The following MYH15 variants were observed in gnomAD, a reference collection of about 807,000 sequenced individuals.
The protein encoded by MYH15 is myosin heavy chain 15.
MYH15 carries 227 observed loss-of-function variants against 240.5 expected under a neutral mutation model. The observed-to-expected ratio is 0.94, with a 90% CI of 0.85 to 1.05. The LOEUF (loss-of-function observed/expected upper bound fraction) is 1.05. MYH15 is among the 50% of genes least tolerant of loss of function. The probability of loss-of-function intolerance (pLI) is 0.00; values close to 1 mark genes in which losing one functional copy is unlikely to be tolerated. For synonymous variants in MYH15, 785 were observed against 796.7 expected (o/e 0.99, Z 0.25); for missense variants, 2,217 against 2,247.5 (o/e 0.99, Z 0.27).
chr3:108,490,882 C>A (rs2083340250), intron 9 of MYH15, among the ~76,000 whole-genome samples: 1 of 151,794 alleles, frequency 6.6e-6, no homozygotes, highest in Admixed American at 6.6e-5. Context: ...GAAATTAGAT[C>A]ATGGTTTTTT....
intron 16 of MYH15, among the ~76,000 whole-genome samples, chr3:108,462,144 C>T (rs1256381632): frequency 1.3e-5 from 2 of 152,118 alleles, no homozygotes; most frequent in African/African-American, 4.8e-5. Flanking sequence ...CAGAGGCTGT[C>T]GATCTGTGAC....
At chr3:108,434,029 G>T (rs1164557786) in intron 25 of MYH15, among the ~76,000 whole-genome samples, 1 of 151,598 alleles carries the variant, frequency 6.6e-6, no homozygotes, top group Non-Finnish European at 1.5e-5. Flanking sequence ...ACATACATTT[G>T]CATGTATAGA....
At chr3:108,522,700 A>G (rs1478232059) in intron 1 of MYH15, among the ~76,000 whole-genome samples, 1 of 152,152 alleles carries the variant, frequency 6.6e-6, no homozygotes, top group African/African-American at 2.4e-5. Context: ...CTAATTGATT[A>G]ATAATTGCTA....
At chr3:108,413,748 C>T (rs2082611934) in intron 30 of MYH15, among the ~76,000 whole-genome samples, 1 of 152,208 alleles carries the variant, frequency 6.6e-6, no homozygotes, top group African/African-American at 2.4e-5. Context: ...TCCTAGAAGA[C>T]ATGACGACAG....
At chr3:108,441,335 C>T (rs2082883928) in intron 22 of MYH15, 75 bp from the exon 23 acceptor site, 2 of 1,532,250 alleles carry the variant, frequency 1.3e-6, no homozygotes, top group African/African-American at 1.4e-5. Context: ...CTGCTTAACA[C>T]ACAGCAAAGA....
intron 20 of MYH15, among the ~76,000 whole-genome samples, chr3:108,455,186 T>G (rs536798749): frequency 7.3e-4 from 111 of 152,318 alleles, no homozygotes; most frequent in African/African-American, 2.6e-3. Context: ...CCAAATCTAT[T>G]GATAAGTTAG....
Position 108,492,560 on chromosome 3 carries a change from C to G in MYH15, c.811G>C (p.Ala271Pro). Residue 271 changes from alanine (A) to proline (P), a missense_variant, in exon 9 of 41, where the codon GCT becomes CCT. By Grantham distance (27) the Ala-to-Pro change is conservative (BLOSUM62 -1). Coordinates refer to ENST00000693548, the MANE Select transcript of MYH15 (RefSeq NM_014981.3). ...LEKSRVIFQQ[A>P]GERNYHIFYQ... ...AATATGTGGTAGTTCCTCTCTCCAG[C>G]CTGCTGGAAAATCACCCTGGACTTT... The G allele has an allele frequency of 1.2e-6, 2 of 1,613,588 alleles. No homozygotes were observed. The highest frequency in any genetic ancestry group is 2.2e-5 in the East Asian group (1 of 44,858).
intron 1 of MYH15, among the ~76,000 whole-genome samples, chr3:108,516,401 C>T (rs1382942701): frequency 6.6e-6 from 1 of 152,148 alleles, no homozygotes; most frequent in Non-Finnish European, 1.5e-5. Flanking sequence ...ATCTAGATGT[C>T]AACAGCTGAA....
chr3:108,428,596 C>G lies in MYH15; in HGVS notation c.3598G>C (p.Glu1200Gln). The stretch of plus-strand genomic sequence containing the variant: ...TTCTGCTTGACCTGCTGTAGATTTT[C>G]TACCTGGCCCTCGAGCTCAGCCAGG... ...DSLAELEGQV[E>Q]NLQQVKQKLE... Residue 1200 changes from glutamate (E) to glutamine (Q), a missense_variant, in exon 27 of 41, where the codon GAA (glutamate) becomes CAA (glutamine). Coordinates refer to ENST00000693548, the MANE Select transcript of MYH15 (RefSeq NM_014981.3). 6.2e-7 allele frequency: 1 copy of G among 1,613,952 alleles called. No homozygotes were observed. The highest frequency in any genetic ancestry group is 8.5e-7 in the Non-Finnish European group (1 of 1,180,014).
chr3:108,410,434 TAA>T, intron 31 of MYH15, 147 bp downstream of exon 31: 1 of 454,912 alleles, frequency 2.2e-6, no homozygotes, highest in Non-Finnish European at 3.7e-6. Context: ...GCATCTAAAG[TAA>T]AAAAAAAATA....
At chr3:108,534,512 A>G in the MYH15 span, among the ~76,000 whole-genome samples, 10 of 152,128 alleles carry the variant, frequency 6.6e-5, no homozygotes, top group Non-Finnish European at 1.5e-4. Context: ...TAATATGGTA[A>G]AAATAGTCTC....
intron 28 of MYH15, 82 bp downstream of exon 28, chr3:108,421,006 G>T: frequency 6.3e-7 from 1 of 1,578,706 alleles, no homozygotes. Flanking sequence ...AGCCTCAGTG[G>T]GTAGTTCATT....
At chr3:108,455,935 G>A in intron 19 of MYH15, 76 bp from the exon 20 acceptor site, 1 of 1,404,532 alleles carries the variant, frequency 7.1e-7, no homozygotes, top group Non-Finnish European at 9.9e-7. Flanking sequence ...AGACAAATGA[G>A]GTGAAAGGAG....
At chr3:108,471,584 G>A (rs951155275) in intron 12 of MYH15, among the ~76,000 whole-genome samples, 16 of 152,026 alleles carry the variant, frequency 1.1e-4, no homozygotes, top group Non-Finnish European at 2.1e-4. Context: ...TGATGTATAT[G>A]TTCTTGGCCT....
At chr3:108,436,633 G>C (rs1410137700) in intron 25 of MYH15, among the ~76,000 whole-genome samples, 1 of 152,140 alleles carries the variant, frequency 6.6e-6, no homozygotes, top group African/African-American at 2.4e-5. Context: ...CCGACTCCTG[G>C]GTTCAAGCGA....
intron 22 of MYH15, among the ~76,000 whole-genome samples, chr3:108,443,501 T>C (rs2082901140): frequency 6.6e-6 from 1 of 152,230 alleles, no homozygotes; most frequent in African/African-American, 2.4e-5. Context: ...TTCAACTTAA[T>C]GCTGTGCTAA....
intron 24 of MYH15, among the ~76,000 whole-genome samples, chr3:108,439,078 T>C (rs1035775237): frequency 2.0e-5 from 3 of 151,618 alleles, no homozygotes; most frequent in Admixed American, 6.6e-5. Context: ...TAACCACTCT[T>C]GTCAACAATT....
intron 1 of MYH15, among the ~76,000 whole-genome samples, chr3:108,519,275 T>C (rs1269967227): frequency 2.0e-5 from 3 of 152,164 alleles, no homozygotes; most frequent in African/African-American, 7.2e-5. Flanking sequence ...GTATACCATA[T>C]CAAGAAAACC....
rs374599103 is a variant in MYH15 at position 108,429,137 on chromosome 3, T to A, written c.3313-256A>T. On this transcript the variant is annotated intron_variant, in intron 26 of 40. Coordinates refer to ENST00000693548, the MANE Select transcript of MYH15 (RefSeq NM_014981.3). ...TATATAGATGGAGGGGAAAGCTTAGTAAAGAGCACTTCCCAAAGAAACAGG... is the reference window on the plus strand; with the variant it reads ...TATATAGATGGAGGGGAAAGCTTAGAAAAGAGCACTTCCCAAAGAAACAGG... 1.5e-3 allele frequency among the ~76,000 whole-genome samples: 236 copies of A among 152,260 alleles called. 3 individuals are homozygous for A. The highest frequency in any genetic ancestry group is 2.6e-3 in the Non-Finnish European group (179 of 68,016).
Sources: gnomAD v4.1 joint callset for allele counts (sites outside exome capture counted in the v4.1 genomes callset) on GRCh38, gnomAD v4.1.1 for gene constraint, MANE v1.5 for transcripts, NCBI Gene and HGNC (gene_info 2026-07-23, HGNC 2026-07-21) for gene names.